The following PLD5 variants were observed in gnomAD, a reference collection of about 807,000 sequenced individuals.
PLD5 encodes phospholipase D family member 5, also known as inactive phospholipase D5.
In PLD5, 36 loss-of-function variants were observed where a neutral mutation model predicts 61.1. That is an observed-to-expected ratio of 0.59 (90% CI 0.45 to 0.78). The LOEUF (loss-of-function observed/expected upper bound fraction) is 0.78, where lower values mean the gene tolerates loss of function less well. Among genes scored for constraint, PLD5 ranks in the 30% least tolerant of loss-of-function variants. The pLI is 0.00. For synonymous variants in PLD5, 243 were observed against 242.8 expected (o/e 1.00, Z -0.01); for missense variants, 515 against 644.4 (o/e 0.80, Z 2.17).
chr1:242,317,860 C>A (rs1411718358), intron 2 of PLD5, among the ~76,000 whole-genome samples: 4 of 152,078 alleles, frequency 2.6e-5, no homozygotes, highest in Non-Finnish European at 4.4e-5. Flanking sequence ...GGGTTGAGAG[C>A]CTGTCAGCCT....
intron 5 of PLD5, among the ~76,000 whole-genome samples, chr1:242,194,056 G>T (rs144367114): frequency 6.6e-6 from 1 of 152,238 alleles, no homozygotes; most frequent in Non-Finnish European, 1.5e-5. Context: ...GTGAGTTCTG[G>T]CCTTGGAGGT....
At chr1:242,265,768 A>G (rs1340334211) in intron 3 of PLD5, among the ~76,000 whole-genome samples, 2 of 152,218 alleles carry the variant, frequency 1.3e-5, no homozygotes, top group Non-Finnish European at 2.9e-5. Context: ...GGCAGCAAAG[A>G]AGATTAAGCA....
At chr1:242,353,507 GT>G (rs1660588356) in intron 1 of PLD5, among the ~76,000 whole-genome samples, 1 of 152,220 alleles carries the variant, frequency 6.6e-6, no homozygotes, top group South Asian at 2.1e-4. Flanking sequence ...GCCATTAAGA[GT>G]TTTTTATGGT....
chr1:242,089,631 A>T lies in PLD5; in HGVS notation c.*223T>A. The T allele has an allele frequency of 6.7e-6, 4 of 594,750 alleles. No homozygotes were observed. The highest frequency in any genetic ancestry group is 1.1e-5 in the Non-Finnish European group (4 of 350,536). The allele number at this position is 594,750 out of a possible 1,614,324, so 36.8% of individuals were successfully genotyped here. Reference sequence around the variant, plus strand: ...AAACGTAAAAACTAACTTCTACGCCAGAATGACATTCTCTGTCAGAGGTAA... The same window carrying T: ...AAACGTAAAAACTAACTTCTACGCCTGAATGACATTCTCTGTCAGAGGTAA... On this transcript the variant is annotated 3_prime_UTR_variant, in exon 10 of 10. Coordinates refer to ENST00000536534, the MANE Select transcript of PLD5 (RefSeq NM_001372062.1).
Position 242,156,679 on chromosome 1 carries a change from C to T in PLD5, c.736-32014G>A, listed in dbSNP as rs112493451. Among the ~76,000 whole-genome samples the T allele has an allele frequency of 3.7e-3, 562 of 152,196 alleles. 7 individuals are homozygous for T. Among genetic ancestry groups the T allele is most frequent in the African/African-American group, 0.013 (534 of 41,496 alleles). On this transcript the variant is annotated intron_variant, in intron 5 of 9. Transcript: ENST00000536534. ...TTCTTTAAGAATGTAGAATATTAGC[C>T]CCTACTCTCTTCTGGCTTGTAGGGT... is the stretch of plus-strand genomic sequence containing the variant.
intron 6 of PLD5, among the ~76,000 whole-genome samples, chr1:242,118,038 G>C (rs1395337853): frequency 1.3e-5 from 2 of 152,070 alleles, no homozygotes; most frequent in East Asian, 3.9e-4. Context: ...ACCAGATTTT[G>C]GTTTTGGGGA....
At chr1:242,113,822 C>T in intron 7 of PLD5, 68 bp downstream of exon 7, 1 of 1,526,046 alleles carries the variant, frequency 6.6e-7, no homozygotes, top group South Asian at 1.3e-5. Flanking sequence ...CTGGCTTCTC[C>T]TGTGGTGCCC....
intron 1 of PLD5, among the ~76,000 whole-genome samples, chr1:242,484,779 T>C (rs1667901181): frequency 6.6e-6 from 1 of 152,046 alleles, no homozygotes; most frequent in Admixed American, 6.6e-5. Flanking sequence ...TAGACCAATA[T>C]CCCTGATGAA....
chr1:242,469,796 G>T (rs944493289), intron 1 of PLD5, among the ~76,000 whole-genome samples: 2 of 152,200 alleles, frequency 1.3e-5, no homozygotes, highest in East Asian at 3.9e-4. Flanking sequence ...TCCCCATCCA[G>T]CACTTAGAAC....
chr1:242,363,691 A>C (rs1661192682), intron 1 of PLD5, among the ~76,000 whole-genome samples: 2 of 152,200 alleles, frequency 1.3e-5, no homozygotes, highest in Non-Finnish European at 2.9e-5. Flanking sequence ...GAAATGACAT[A>C]GATTAGTAGG....
upstream of PLD5, among the ~76,000 whole-genome samples, chr1:242,526,473 G>T (rs1411074583): frequency 1.3e-5 from 2 of 152,172 alleles, no homozygotes; most frequent in African/African-American, 4.8e-5. Context: ...GTCTCGCTCT[G>T]TCACCAGGCT....
At chr1:242,492,517 C>T (rs1281894847) in intron 1 of PLD5, among the ~76,000 whole-genome samples, 6 of 130,156 alleles carry the variant, frequency 4.6e-5, no homozygotes, top group South Asian at 5.3e-4. Flanking sequence ...AGCAAAACTC[C>T]GTCTCAAAAA....
At chr1:242,458,543 G>T (rs1667014065) in intron 1 of PLD5, among the ~76,000 whole-genome samples, 2 of 152,344 alleles carry the variant, frequency 1.3e-5, no homozygotes, top group Middle Eastern at 3.4e-3. Flanking sequence ...ATTAACAATA[G>T]CTATGACTGG....
At chr1:242,466,104 C>T (rs188699791) in intron 1 of PLD5, among the ~76,000 whole-genome samples, 2 of 152,286 alleles carry the variant, frequency 1.3e-5, no homozygotes, top group Non-Finnish European at 2.9e-5. Context: ...GCCCACCTCC[C>T]ACATACAATT....
intron 1 of PLD5, among the ~76,000 whole-genome samples, chr1:242,386,643 A>G (rs1047176550): frequency 3.3e-5 from 5 of 152,226 alleles, no homozygotes; most frequent in African/African-American, 1.2e-4. Context: ...ACACCATAAA[A>G]ATAAGTGTAT....
At chr1:242,499,097 T>A (rs114388753) in intron 1 of PLD5, among the ~76,000 whole-genome samples, 5,178 of 152,284 alleles carry the variant, frequency 0.034, 109 homozygotes, top group African/African-American at 0.059. Flanking sequence ...TTTCTTTGCA[T>A]CCTCACCAGT....
At chr1:242,517,070 A>G (rs1312011254) in intron 1 of PLD5, among the ~76,000 whole-genome samples, 1 of 149,366 alleles carries the variant, frequency 6.7e-6, no homozygotes, top group Non-Finnish European at 1.5e-5. Flanking sequence ...AAATCCAGTG[A>G]CAGTATTAAT....
At chr1:242,347,039 A>T (rs536818277) in intron 2 of PLD5, among the ~76,000 whole-genome samples, 2 of 152,338 alleles carry the variant, frequency 1.3e-5, no homozygotes, top group Admixed American at 1.3e-4. Flanking sequence ...AACATGAAGG[A>T]AGAAAATCTA....
intron 4 of PLD5, among the ~76,000 whole-genome samples, chr1:242,254,702 G>A (rs1672920474): frequency 6.6e-6 from 1 of 151,876 alleles, no homozygotes; most frequent in South Asian, 2.1e-4. Context: ...CACCACTGAG[G>A]CTCAGAGAAA....
Sources: allele counts gnomAD v4.1 joint callset (sites outside exome capture counted in the v4.1 genomes callset), GRCh38; gene constraint gnomAD v4.1.1; transcripts MANE v1.5; gene names NCBI Gene and HGNC (gene_info 2026-07-23, HGNC 2026-07-21).